The following SNAPC3 variants were observed in gnomAD, a reference collection of about 807,000 sequenced individuals.
The protein encoded by SNAPC3 is small nuclear RNA activating complex polypeptide 3.
SNAPC3 carries 56 observed loss-of-function variants against 47.7 expected under a neutral mutation model. The ratio of observed to expected loss-of-function variants is 1.18; its 90% confidence interval spans 0.95 to 1.47. SNAPC3 has a LOEUF of 1.47. SNAPC3 is among the 40% of genes most tolerant of loss of function. SNAPC3 has a pLI of 0.00. For missense variants in SNAPC3, 665 were observed against 511.3 expected (o/e 1.30, Z -2.90); for synonymous variants, 235 against 189.9 (o/e 1.24, Z -1.95).
intron 3 of SNAPC3, among the ~76,000 whole-genome samples, chr9:15,441,383 C>CTTTTTTTTTTTTTTTT (rs77103785): frequency 6.7e-4 from 40 of 59,546 alleles, no homozygotes; most frequent in African/African-American, 8.6e-4. Flanking sequence ...GTTCCCTTTT[C>CTTTTTTTTTTTTTTTT]TTTTTTTTTT....
chr9:15,433,285 C>T (rs1387583260), intron 2 of SNAPC3, among the ~76,000 whole-genome samples: 3 of 146,220 alleles, frequency 2.1e-5, no homozygotes, highest in East Asian at 2.0e-4. Flanking sequence ...AAAAAAAAAA[C>T]GAGTAAATTA....
chr9:15,450,469 G>A (rs139434812), intron 5 of SNAPC3, among the ~76,000 whole-genome samples: 210 of 152,280 alleles, frequency 1.4e-3, no homozygotes, highest in African/African-American at 3.9e-3. Context: ...GTAAGACATC[G>A]TGGCAGATAT....
intron 3 of SNAPC3, among the ~76,000 whole-genome samples, chr9:15,442,086 A>ACGGGGCGGCTGGCCGGG (rs1242634803): frequency 6.8e-6 from 1 of 147,302 alleles, no homozygotes; most frequent in Non-Finnish European, 1.5e-5. Context: ...TCCCTCCCGG[A>ACGGGGCGGCTGGCCGGG]CGGGGCGGCT....
intron 2 of SNAPC3, among the ~76,000 whole-genome samples, chr9:15,426,523 A>G (rs892084189): frequency 3.9e-5 from 6 of 152,212 alleles, no homozygotes; most frequent in Non-Finnish European, 8.8e-5. Flanking sequence ...TAGGGAGCCA[A>G]CAAATATTTG....
At chr9:15,450,788 G>A (rs1451821794) in intron 5 of SNAPC3, among the ~76,000 whole-genome samples, 1 of 152,162 alleles carries the variant, frequency 6.6e-6, no homozygotes, top group Admixed American at 6.5e-5. Context: ...CCACTCCTTT[G>A]ACGGACACTG....
At chr9:15,441,813 A>G (rs1042215683) in intron 3 of SNAPC3, among the ~76,000 whole-genome samples, 1 of 152,210 alleles carries the variant, frequency 6.6e-6, no homozygotes, top group African/African-American at 2.4e-5. Context: ...AGACACAGCA[A>G]CAATCTGATT....
chr9:15,442,198 G>T (rs866820661), intron 3 of SNAPC3, among the ~76,000 whole-genome samples: 31 of 147,760 alleles, frequency 2.1e-4, no homozygotes, highest in African/African-American at 7.5e-4. Flanking sequence ...TGGCCGGGCG[G>T]GGGCTGCCCC....
intron 3 of SNAPC3, among the ~76,000 whole-genome samples, chr9:15,442,064 TG>T (rs2033450132): frequency 6.7e-6 from 1 of 148,860 alleles, no homozygotes; most frequent in Non-Finnish European, 1.5e-5. Flanking sequence ...AGGCAGGGGC[TG>T]CCCCCCAACC....
chr9:15,435,643 C>G (rs115804894), intron 3 of SNAPC3, among the ~76,000 whole-genome samples: 6,485 of 150,894 alleles, frequency 0.043, 466 homozygotes, highest in African/African-American at 0.15. Context: ...GCAGGACAAT[C>G]ACTAGAACCC....
At chr9:15,447,384 C>T (rs2034025981) in intron 5 of SNAPC3, 140 bp downstream of exon 5, 1 of 724,310 alleles carries the variant, frequency 1.4e-6, no homozygotes, top group Non-Finnish European at 2.4e-6. Context: ...CTCATTCCTT[C>T]CCTTTATCAC....
At chr9:15,431,117 G>A (rs1275601809) in intron 2 of SNAPC3, among the ~76,000 whole-genome samples, 1 of 152,124 alleles carries the variant, frequency 6.6e-6, no homozygotes, top group Non-Finnish European at 1.5e-5. Context: ...AGCTTCCCCA[G>A]TGCCCAGCTC....
intron 3 of SNAPC3, among the ~76,000 whole-genome samples, chr9:15,440,715 C>T (rs1044375102): frequency 4.6e-5 from 7 of 151,766 alleles, no homozygotes; most frequent in African/African-American, 7.3e-5. Flanking sequence ...TTTGGGAGGC[C>T]GAGGCGGGCG....
intron 7 of SNAPC3, among the ~76,000 whole-genome samples, chr9:15,454,735 A>T (rs1031378841): frequency 4.6e-5 from 7 of 152,132 alleles, no homozygotes; most frequent in African/African-American, 1.7e-4. Context: ...CAGGAGATCG[A>T]GACCATGCTG....
chr9:15,434,122 T>C (rs1262971707), intron 3 of SNAPC3, among the ~76,000 whole-genome samples: 3 of 152,218 alleles, frequency 2.0e-5, no homozygotes, highest in Admixed American at 1.3e-4. Flanking sequence ...CTCCCACTTA[T>C]TTTACTTTTA....
chr9:15,453,983 A>G (rs2034582994), intron 7 of SNAPC3, among the ~76,000 whole-genome samples: 1 of 152,220 alleles, frequency 6.6e-6, no homozygotes. Flanking sequence ...TCACGCCTAT[A>G]ATCCCAACAC....
At chr9:15,441,547 C>T (rs1286830936) in intron 3 of SNAPC3, among the ~76,000 whole-genome samples, 1 of 151,844 alleles carries the variant, frequency 6.6e-6, no homozygotes, top group Admixed American at 6.6e-5. Context: ...CTGCGGCCTT[C>T]TGCAGTGTTT....
Position 15,453,035 on chromosome 9 carries a change from C to A in SNAPC3, c.816-6C>A. On this transcript the variant is annotated splice_region_variant and splice_polypyrimidine_tract_variant and intron_variant, in intron 6 of 8. Coordinates refer to ENST00000380821, the MANE Select transcript of SNAPC3 (RefSeq NM_001039697.2). ...AATGATATATCCTTGCCTTTTCCCC[C>A]CTCAGAACTATCATTGAGTGGTCAG... The A allele has an allele frequency of 1.9e-6, 3 of 1,604,962 alleles. No individual in the cohort carries two copies. The highest frequency in any genetic ancestry group is 2.6e-6 in the Non-Finnish European group (3 of 1,176,390).
intron 2 of SNAPC3, among the ~76,000 whole-genome samples, 170 bp from the exon 3 acceptor site, chr9:15,433,378 CAAGT>C (rs1471478892): frequency 6.6e-6 from 1 of 151,952 alleles, no homozygotes; most frequent in Non-Finnish European, 1.5e-5. Context: ...GTCTCATGAT[CAAGT>C]AAGATGTTGA....
intron 1 of SNAPC3, 66 bp downstream of exon 1, chr9:15,423,259 T>G (rs1355163501): frequency 1.4e-6 from 2 of 1,447,320 alleles, no homozygotes; most frequent in Admixed American, 5.3e-5. Flanking sequence ...GCTCGTGCGC[T>G]CCTCTGGGAC....
Sources: gnomAD v4.1 joint callset for allele counts (sites outside exome capture counted in the v4.1 genomes callset) on GRCh38, gnomAD v4.1.1 for gene constraint, MANE v1.5 for transcripts, NCBI Gene and HGNC (gene_info 2026-07-23, HGNC 2026-07-21) for gene names.